Variants in PCDHGB6 observed in about 807,000 individuals in gnomAD.
The protein encoded by PCDHGB6 is protocadherin gamma subfamily B, 6, also known as protocadherin gamma-B6.
In PCDHGB6, 51 loss-of-function variants were observed where a neutral mutation model predicts 59.1. The ratio of observed to expected loss-of-function variants is 0.86; its 90% confidence interval spans 0.69 to 1.09. PCDHGB6 has a LOEUF of 1.09. PCDHGB6 is among the 50% of genes least tolerant of loss of function. The pLI, the probability that PCDHGB6 is intolerant of heterozygous loss-of-function variation, is 0.00. For synonymous variants in PCDHGB6, 466 were observed against 495.1 expected (o/e 0.94, Z 0.78); for missense variants, 1,148 against 1,205.1 (o/e 0.95, Z 0.70).
Position 141,477,662 on chromosome 5 carries a change from A to G in PCDHGB6, c.2419-17145A>G. On this transcript the variant is annotated intron_variant, in intron 1 of 3. Transcript: ENST00000520790. The surrounding 1 kb of genome is among the most constrained non-coding windows in gnomAD (Gnocchi z 4.9). ...TCGCTATTTCACAATAAATCGTGAC[A>G]ATGGCATAGTGTCATCCTTAGTGCC... The G allele has an allele frequency of 6.2e-7, 1 of 1,614,222 alleles. No individual in the cohort carries two copies.
intron 3 of PCDHGB6, 110 bp from the exon 4 acceptor site, chr5:141,510,837 G>A (rs969654751): frequency 1.3e-6 from 2 of 1,586,392 alleles, no homozygotes; most frequent in Non-Finnish European, 8.6e-7. Context: ...GCTCAGCGTG[G>A]TCAAGGCCCA....
chr5:141,494,926 G>T, intron 2 of PCDHGB6, 61 bp downstream of exon 2: 1 of 1,613,498 alleles, frequency 6.2e-7, no homozygotes, highest in Non-Finnish European at 8.5e-7. Flanking sequence ...GGATGACGTG[G>T]GAGGAGATGG....
intron 1 of PCDHGB6, among the ~76,000 whole-genome samples, chr5:141,438,626 A>G (rs1309857700): frequency 2.3e-5 from 1 of 43,566 alleles, no homozygotes; most frequent in Non-Finnish European, 3.7e-5. Flanking sequence ...ATATATATAT[A>G]TATATATATA....
chr5:141,408,910 T>A lies in PCDHGB6; in HGVS notation c.708T>A (p.Asn236Lys). The A allele has an allele frequency of 6.2e-7, 1 of 1,613,256 alleles. No homozygotes were observed. The highest frequency in any genetic ancestry group is 8.5e-7 in the Non-Finnish European group (1 of 1,179,728). ...AHIEISVKDT[N>K]DNPPVFSRDE... The stretch of plus-strand genomic sequence containing the variant: ...TAGAAATTTCTGTCAAGGATACCAA[T>A]GATAACCCCCCGGTTTTCAGCAGAG... Residue 236 changes from asparagine to lysine, a missense_variant, in exon 1 of 4, where the codon AAT becomes AAA. By Grantham distance (94) the Asn-to-Lys change is moderately conservative. Around this residue, in one of 5 missense-constraint regions of PCDHGB6, gnomAD observed 307 missense variants for 323.8 expected, o/e 0.95. Transcript: ENST00000520790.
intron 2 of PCDHGB6, among the ~76,000 whole-genome samples, chr5:141,498,404 C>T (rs1283586713): frequency 6.6e-6 from 1 of 152,104 alleles, no homozygotes; most frequent in African/African-American, 2.4e-5. Context: ...AGGGAGTTTT[C>T]TCTTTGCTGG....
Position 141,415,748 on chromosome 5 carries a change from T to G in PCDHGB6, c.2418+5128T>G, listed in dbSNP as rs1345423849. On this transcript the variant is annotated intron_variant, in intron 1 of 3. Transcript: ENST00000520790. ...ATTTGATGTTTATTAAGGTTTTTTT[T>G]TTTTTTTTTTTTTTTTTTTTTTTTA... is the stretch of plus-strand genomic sequence containing the variant. 87 of 1,008,904 alleles carry G rather than the reference T, an allele frequency of 8.6e-5. No individual in the cohort carries two copies. The Middle Eastern group carries it at 1.2e-3, about 13-fold the overall frequency. 62.5% of individuals were successfully genotyped at this position (1,008,904 alleles called of 1,614,324 possible).
intron 2 of PCDHGB6, among the ~76,000 whole-genome samples, chr5:141,497,893 C>T (rs1194262199): frequency 6.6e-6 from 1 of 152,132 alleles, no homozygotes; most frequent in Non-Finnish European, 1.5e-5. Flanking sequence ...GGATCTAGTC[C>T]AGTAACTTCA....
At chr5:141,421,564 G>T (rs2096583836) in intron 1 of PCDHGB6, 2 of 1,613,864 alleles carry the variant, frequency 1.2e-6, no homozygotes, top group Admixed American at 3.3e-5. Flanking sequence ...TCTCGTGGAA[G>T]ACACCTTGAA....
At chr5:141,415,036 T>C (rs772612744) in intron 1 of PCDHGB6, 1 of 1,613,526 alleles carries the variant, frequency 6.2e-7, no homozygotes, top group Admixed American at 1.7e-5. Context: ...GCCGGGACTC[T>C]TCGCGGTGGG....
chr5:141,420,918 C>T (rs2096532512), intron 1 of PCDHGB6: 1 of 331,946 alleles, frequency 3.0e-6, no homozygotes, highest in South Asian at 6.4e-5. Flanking sequence ...GTGTGATTCA[C>T]AAAGGTGAGC....
chr5:141,432,945 G>A lies in PCDHGB6; in HGVS notation c.2418+22325G>A, dbSNP rs761055026. On this transcript the variant is annotated intron_variant, in intron 1 of 3. Transcript: ENST00000520790. This position sits in a 1 kb window ranked among gnomAD's most constrained non-coding sequence, Gnocchi z 6.0. ...AAGTCACGCCTGCTGCAGGCTTCAGGAGGCGGCTTGACAGGAGCGCCGGCG... is the reference window on the plus strand; with the variant it reads ...AAGTCACGCCTGCTGCAGGCTTCAGAAGGCGGCTTGACAGGAGCGCCGGCG... 3 of 1,614,218 alleles carry A rather than the reference G, an allele frequency of 1.9e-6. No individual in the cohort carries two copies. The highest frequency in any genetic ancestry group is 2.5e-6 in the Non-Finnish European group (3 of 1,180,058).
Position 141,477,650 on chromosome 5 carries a change from A to C in PCDHGB6, c.2419-17157A>C. The C allele has an allele frequency of 6.2e-7, 1 of 1,614,210 alleles. No homozygotes were observed. Among genetic ancestry groups the C allele is most frequent in the Non-Finnish European group, 8.5e-7 (1 of 1,180,036 alleles). On this transcript the variant is annotated intron_variant, in intron 1 of 3. Coordinates refer to ENST00000520790, the MANE Select transcript of PCDHGB6 (RefSeq NM_018926.3). The surrounding 1 kb of genome is among the most constrained non-coding windows in gnomAD (Gnocchi z 4.9). The stretch of plus-strand genomic sequence containing the variant: ...CGGGCTAGTGGGTCGCTATTTCACA[A>C]TAAATCGTGACAATGGCATAGTGTC...
rs1561964279 is a variant in PCDHGB6 at position 141,456,201 on chromosome 5, A to G, written c.2419-38606A>G. 2.0e-5 allele frequency among the ~76,000 whole-genome samples: 3 copies of G among 152,228 alleles called. No homozygotes were observed. The South Asian group carries it at 6.2e-4, about 32-fold the overall frequency. On this transcript the variant is annotated intron_variant, in intron 1 of 3. Coordinates refer to ENST00000520790, the MANE Select transcript of PCDHGB6 (RefSeq NM_018926.3). ...ATAATTTCTTAATAACTCCTACCAC[A>G]TTCCTCCCTGTGGCGATATCAAACT...
chr5:141,431,090 G>C lies in PCDHGB6; in HGVS notation c.2418+20470G>C. On this transcript the variant is annotated intron_variant, in intron 1 of 3. Transcript: ENST00000520790. The surrounding 1 kb of genome is among the most constrained non-coding windows in gnomAD (Gnocchi z 4.8). ...TCAATTAAATCTAGACATTCTGATG[G>C]AGGATAAAGTGAAAATATATGGAGT... is the stretch of plus-strand genomic sequence containing the variant. 6.2e-7 allele frequency: 1 copy of C among 1,614,246 alleles called. No homozygotes were observed. The highest frequency in any genetic ancestry group is 8.5e-7 in the Non-Finnish European group (1 of 1,180,032).
chr5:141,418,430 T>G (rs1331082135), intron 1 of PCDHGB6: 1 of 1,613,908 alleles, frequency 6.2e-7, no homozygotes, highest in South Asian at 1.1e-5. Flanking sequence ...TGGTGGCAAA[T>G]ATCCAGAATT....
Position 141,410,480 on chromosome 5 carries a change from G to A in PCDHGB6, c.2278G>A (p.Gly760Ser). The change falls in exon 1 of 4, where the codon GGT (glycine) becomes AGT (serine). Residue 760 changes from glycine to serine, a missense_variant. Coordinates refer to ENST00000520790, the MANE Select transcript of PCDHGB6 (RefSeq NM_018926.3). Reference protein sequence around the residue: ...YSYNLCIAHTGTKEFNFLKCS... With the variant: ...YSYNLCIAHTSTKEFNFLKCS... ...TTATAATCTGTGCATTGCACATACG[G>A]GTACAAAAGAGTTTAATTTCCTAAA... is the stretch of plus-strand genomic sequence containing the variant. 6.2e-7 allele frequency: 1 copy of A among 1,613,966 alleles called. No individual in the cohort carries two copies. Among genetic ancestry groups the A allele is most frequent in the Non-Finnish European group, 8.5e-7 (1 of 1,179,884 alleles).
At chr5:141,415,702 GC>G (rs754496290) in intron 1 of PCDHGB6, 1 of 1,403,056 alleles carries the variant, frequency 7.1e-7, no homozygotes, top group South Asian at 1.3e-5. Context: ...AAGTGTAAAT[GC>G]TAAAACACTG....
intron 1 of PCDHGB6, among the ~76,000 whole-genome samples, chr5:141,448,706 C>T (rs1344013319): frequency 1.3e-5 from 2 of 151,730 alleles, no homozygotes; most frequent in African/African-American, 2.4e-5. Flanking sequence ...TTTGGGAGGC[C>T]GAGGCGGGAG....
At chr5:141,484,598 T>C (rs2099598059) in intron 1 of PCDHGB6, among the ~76,000 whole-genome samples, 1 of 152,080 alleles carries the variant, frequency 6.6e-6, no homozygotes, top group Non-Finnish European at 1.5e-5. Flanking sequence ...TCATTTAGAA[T>C]ACTGGTTGAT....
Sources: gnomAD v4.1 joint callset for allele counts (sites outside exome capture counted in the v4.1 genomes callset) on GRCh38, gnomAD v4.1.1 for gene constraint, gnomAD v4.1.1 regional missense constraint, Gnocchi (gnomAD v3.1) non-coding constraint, MANE v1.5 for transcripts, NCBI Gene and HGNC (gene_info 2026-07-23, HGNC 2026-07-21) for gene names.